FMO1: variants seen among roughly 807,000 people sequenced by gnomAD.
FMO1 encodes flavin-containing monooxygenase 1.
In FMO1, 36 loss-of-function variants were observed where a neutral mutation model predicts 45.4. The observed-to-expected ratio is 0.79, with a 90% confidence interval of 0.61 to 1.05. The LOEUF (loss-of-function observed/expected upper bound fraction) is 1.05. Among genes scored for constraint, FMO1 ranks in the 50% least tolerant of loss-of-function variants. The probability of loss-of-function intolerance (pLI) is 0.00; values close to 1 mark genes in which losing one functional copy is unlikely to be tolerated. For synonymous variants in FMO1, 228 were observed against 227.2 expected, an observed-to-expected ratio of 1.00 and a Z score of -0.03; for missense variants, 615 against 640.3, an observed-to-expected ratio of 0.96 and a Z score of 0.43.
chr1:171,273,890 G>A (rs911369274), intron 3 of FMO1, among the ~76,000 whole-genome samples: 4 of 152,160 alleles, frequency 2.6e-5, no homozygotes, highest in African/African-American at 4.8e-5. Flanking sequence ...ACAAGGCCAG[G>A]TGCAGTGGCC....
At chr1:171,278,701 T>C (rs1661216155) in intron 4 of FMO1, 28 bp from the exon 5 acceptor site, 3 of 1,514,790 alleles carry the variant, frequency 2.0e-6, no homozygotes, top group African/African-American at 2.8e-5. Flanking sequence ...GTTAATTCTC[T>C]GTGTGACTTC....
At chr1:171,257,000 C>T (rs1660188153) in intron 1 of FMO1, among the ~76,000 whole-genome samples, 1 of 152,172 alleles carries the variant, frequency 6.6e-6, no homozygotes, top group African/African-American at 2.4e-5. Context: ...ATGTGAAAGG[C>T]AGATACCAAT....
At chr1:171,257,957 C>G in intron 1 of FMO1, 125 bp from the exon 2 acceptor site, 2 of 1,072,334 alleles carry the variant, frequency 1.9e-6, no homozygotes, top group Non-Finnish European at 2.7e-6. Flanking sequence ...ACCAGAGACC[C>G]GCTACAGAAG....
rs762495831 is a variant in FMO1 at position 171,285,319 on chromosome 1, T to C, written c.1374T>C (p.His458=). 18 of 1,614,070 alleles carry C rather than the reference T, an allele frequency of 1.1e-5. No homozygotes were observed. Among genetic ancestry groups the C allele is most frequent in the Admixed American group, 1.0e-4 (6 of 60,006 alleles). ...TCTCTATGCTCCTAACGGATCCACATCTGGCTCTGACCGTCTTCTTTGGCC... is the reference window on the plus strand; with the variant it reads ...TCTCTATGCTCCTAACGGATCCACACCTGGCTCTGACCGTCTTCTTTGGCC... ...NLFSMLLTDP[H]LALTVFFGPC... The change falls in exon 9 of 9, where the codon CAT becomes CAC. Residue 458 remains histidine, a synonymous_variant. Coordinates refer to ENST00000617670, the MANE Select transcript of FMO1 (RefSeq NM_001282693.2).
At chr1:171,283,565 A>C (rs762630069) in intron 8 of FMO1, among the ~76,000 whole-genome samples, 1 of 152,204 alleles carries the variant, frequency 6.6e-6, no homozygotes, top group Non-Finnish European at 1.5e-5. Context: ...ATCCATAATC[A>C]ACAGGCAAGC....
At chr1:171,276,317 T>C (rs979577697) in intron 4 of FMO1, among the ~76,000 whole-genome samples, 1 of 152,186 alleles carries the variant, frequency 6.6e-6, no homozygotes, top group Non-Finnish European at 1.5e-5. Flanking sequence ...ATAAAGCATA[T>C]CCTGAAAATT....
At chr1:171,257,758 A>T in intron 1 of FMO1, 1 of 355,236 alleles carries the variant, frequency 2.8e-6, no homozygotes, top group East Asian at 7.2e-5. Context: ...CAGAATGGAG[A>T]CTAGAGGCAG....
intron 1 of FMO1, among the ~76,000 whole-genome samples, chr1:171,254,828 T>C (rs1035827991): frequency 1.3e-5 from 2 of 152,204 alleles, no homozygotes; most frequent in Admixed American, 1.3e-4. Flanking sequence ...GTTGTTTTCC[T>C]ACCAACCCAT....
chr1:171,277,316 TA>T (rs1661149848), intron 4 of FMO1, among the ~76,000 whole-genome samples: 1 of 152,192 alleles, frequency 6.6e-6, no homozygotes. Flanking sequence ...GAAGGTGCAC[TA>T]AAAAGTCGTA....
At chr1:171,257,843 TGACAACTGTACGAAC>T (rs1660222364) in intron 1 of FMO1, 1 of 479,968 alleles carries the variant, frequency 2.1e-6, no homozygotes, top group Non-Finnish European at 3.8e-6. Flanking sequence ...GCTACAGCCT[TGACAACTGTACGAAC>T]ATTTGGCACT....
At position 171,285,352 on chromosome 1, in the gene FMO1, A is replaced by C. The variant is rs2101851632; in HGVS notation, c.1407A>C (p.Ser469=). The C allele has an allele frequency of 6.2e-7, 1 of 1,613,952 alleles. No homozygotes were observed. The highest frequency in any genetic ancestry group is 2.2e-5 in the East Asian group (1 of 44,872). Residue 469 remains serine, a synonymous_variant, in exon 9 of 9, where the codon TCA becomes TCC. Coordinates refer to ENST00000617670, the MANE Select transcript of FMO1 (RefSeq NM_001282693.2). ...TGACCGTCTTCTTTGGCCCATGCTCACCATACCAGTTCCGCTTGACTGGCC... is the reference window on the plus strand; with the variant it reads ...TGACCGTCTTCTTTGGCCCATGCTCCCCATACCAGTTCCGCTTGACTGGCC... ...LALTVFFGPC[S]PYQFRLTGPG...
chr1:171,278,292 C>T (rs1458065640), intron 4 of FMO1, among the ~76,000 whole-genome samples: 4 of 152,172 alleles, frequency 2.6e-5, no homozygotes, highest in Non-Finnish European at 5.9e-5. Flanking sequence ...AGGCACAAAG[C>T]AGAGATCAAA....
At chr1:171,264,614 G>A (rs1425586350) in intron 2 of FMO1, among the ~76,000 whole-genome samples, 1 of 152,054 alleles carries the variant, frequency 6.6e-6, no homozygotes, top group Non-Finnish European at 1.5e-5. Flanking sequence ...TCTCGGACAG[G>A]GGCAGTGGCT....
intron 5 of FMO1, among the ~76,000 whole-genome samples, chr1:171,280,278 C>T (rs548775781): frequency 3.1e-4 from 47 of 152,298 alleles, no homozygotes; most frequent in Middle Eastern, 3.4e-3. Flanking sequence ...TTATTAAGTA[C>T]TAAAACTATT....
Position 171,258,154 on chromosome 1 carries a change from G to C in FMO1, c.67G>C (p.Glu23Gln). 6.2e-7 allele frequency: 1 copy of C among 1,614,204 alleles called. No homozygotes were observed. The highest frequency in any genetic ancestry group is 8.5e-7 in the Non-Finnish European group (1 of 1,180,034). The change falls in exon 2 of 9, where the codon GAA becomes CAA. Residue 23 changes from glutamate (E) to glutamine (Q), a missense_variant. Coordinates refer to ENST00000617670, the MANE Select transcript of FMO1 (RefSeq NM_001282693.2). ...SGLASIKCCL[E>Q]EGLEPTCFER... ...CCTGGCCTCCATCAAGTGCTGTCTG[G>C]AAGAAGGACTGGAGCCCACCTGCTT...
At chr1:171,279,600 A>G (rs1025562490) in intron 5 of FMO1, among the ~76,000 whole-genome samples, 6 of 152,056 alleles carry the variant, frequency 3.9e-5, no homozygotes, top group Admixed American at 3.3e-4. Flanking sequence ...TTTGCCCTGC[A>G]TTTTATTTTT....
chr1:171,284,661 G>A (rs994452489), intron 8 of FMO1, among the ~76,000 whole-genome samples: 2 of 149,958 alleles, frequency 1.3e-5, no homozygotes, highest in African/African-American at 2.5e-5. Flanking sequence ...GAGCCAAGGA[G>A]TTCAAGGTTG....
intron 2 of FMO1, among the ~76,000 whole-genome samples, chr1:171,266,233 TCAAC>T (rs1346001685): frequency 6.6e-6 from 1 of 152,188 alleles, no homozygotes; most frequent in African/African-American, 2.4e-5. Context: ...TATATCCTGT[TCAAC>T]AAAATGGTGT....
chr1:171,258,272 TG>T, intron 2 of FMO1, 53 bp downstream of exon 2: 12 of 1,591,544 alleles, frequency 7.5e-6, no homozygotes, highest in Non-Finnish European at 9.5e-6. Context: ...GCTTGGCAGC[TG>T]GGAAATTATA....
Sources: gnomAD v4.1 joint callset for allele counts (sites outside exome capture counted in the v4.1 genomes callset) on GRCh38, gnomAD v4.1.1 for gene constraint, MANE v1.5 for transcripts, NCBI Gene and HGNC (gene_info 2026-07-23, HGNC 2026-07-21) for gene names.